Variants in FSTL5 observed in about 807,000 individuals in gnomAD.
FSTL5 encodes follistatin like 5.
A neutral mutation model predicts 89.1 loss-of-function variants in FSTL5; 62 were observed. The ratio of observed to expected loss-of-function variants is 0.70; its 90% CI spans 0.57 to 0.86. The LOEUF (loss-of-function observed/expected upper bound fraction) is 0.86. Ranked by LOEUF, FSTL5 falls within the 40% of genes least tolerant of loss-of-function variation. The probability of loss-of-function intolerance (pLI) is 0.00; values close to 1 mark genes in which losing one functional copy is unlikely to be tolerated. For missense variants in FSTL5, 1,057 were observed against 1,001.6 expected (o/e 1.06, Z -0.75); for synonymous variants, 383 against 346.2 (o/e 1.11, Z -1.18).
intron 15 of FSTL5, among the ~76,000 whole-genome samples, chr4:161,431,102 A>G (rs1404933140): frequency 6.6e-6 from 1 of 152,314 alleles, no homozygotes; most frequent in African/African-American, 2.4e-5. Flanking sequence ...ATAAGAAATC[A>G]TCTGAAGGAA....
At chr4:161,733,009 G>A (rs1579055157) in intron 6 of FSTL5, among the ~76,000 whole-genome samples, 2 of 150,840 alleles carry the variant, frequency 1.3e-5, no homozygotes, top group African/African-American at 4.9e-5. Flanking sequence ...TCAGAGCATT[G>A]GTTTTTGCTG....
At chr4:161,740,754 ATAT>A (rs1739995598) in intron 6 of FSTL5, among the ~76,000 whole-genome samples, 2 of 152,202 alleles carry the variant, frequency 1.3e-5, no homozygotes, top group Non-Finnish European at 2.9e-5. Flanking sequence ...TATTTGGATC[ATAT>A]TATGTACTCA....
At chr4:162,145,276 G>A (rs1026650074) in intron 1 of FSTL5, among the ~76,000 whole-genome samples, 8 of 151,908 alleles carry the variant, frequency 5.3e-5, no homozygotes, top group Non-Finnish European at 1.0e-4. Context: ...TAGGAAATAA[G>A]AATCAAAATG....
intron 15 of FSTL5, chr4:161,387,071 T>C (rs1730674652): frequency 6.6e-6 from 1 of 152,192 alleles, no homozygotes; most frequent in Non-Finnish European, 1.5e-5. Context: ...TTTGTTTTGT[T>C]GACCTTAAAT....
intron 4 of FSTL5, among the ~76,000 whole-genome samples, chr4:161,778,004 G>A (rs1162263712): frequency 1.3e-5 from 2 of 152,088 alleles, no homozygotes; most frequent in Non-Finnish European, 2.9e-5. Flanking sequence ...TGAGGCAGGA[G>A]AATCGCTGGA....
intron 14 of FSTL5, 49 bp from the exon 15 acceptor site, chr4:161,455,177 A>C (rs1166890939): frequency 7.0e-7 from 1 of 1,432,140 alleles, no homozygotes; most frequent in African/African-American, 1.5e-5. Flanking sequence ...GTCACTTCAT[A>C]GTATAAGCTT....
chr4:162,053,091 A>G (rs1229069314), intron 2 of FSTL5, among the ~76,000 whole-genome samples: 1 of 151,834 alleles, frequency 6.6e-6, no homozygotes, highest in Admixed American at 6.6e-5. Flanking sequence ...GCTAATTATT[A>G]TAGACACTTG....
chr4:161,682,658 A>C (rs975492045), intron 6 of FSTL5, among the ~76,000 whole-genome samples: 9 of 152,174 alleles, frequency 5.9e-5, no homozygotes, highest in African/African-American at 2.2e-4. Flanking sequence ...TTCAAGGGCA[A>C]AAACTGGTAT....
chr4:161,586,297 C>T (rs1203109591), intron 8 of FSTL5, among the ~76,000 whole-genome samples: 1 of 152,086 alleles, frequency 6.6e-6, no homozygotes, highest in Non-Finnish European at 1.5e-5. Context: ...TCATGTTCCT[C>T]AATTGAATAC....
At chr4:161,726,548 G>A (rs185345501) in intron 6 of FSTL5, among the ~76,000 whole-genome samples, 2 of 151,896 alleles carry the variant, frequency 1.3e-5, no homozygotes, top group Non-Finnish European at 2.9e-5. Context: ...TCTCAATACC[G>A]TAAACCTAGT....
intron 4 of FSTL5, among the ~76,000 whole-genome samples, chr4:161,832,590 C>G (rs1336973905): frequency 6.6e-6 from 1 of 152,116 alleles, no homozygotes; most frequent in East Asian, 1.9e-4. Flanking sequence ...TAGTCAACTT[C>G]TTCCTGGTTT....
At chr4:161,748,352 A>T (rs555974718) in intron 6 of FSTL5, among the ~76,000 whole-genome samples, 1 of 152,264 alleles carries the variant, frequency 6.6e-6, no homozygotes, top group African/African-American at 2.4e-5. Flanking sequence ...ACATATGTAC[A>T]TATATTTATT....
intron 2 of FSTL5, among the ~76,000 whole-genome samples, chr4:162,037,606 C>A (rs1044155647): frequency 6.6e-6 from 1 of 151,792 alleles, no homozygotes; most frequent in South Asian, 2.1e-4. Flanking sequence ...ATCAAGTTCT[C>A]TCCCATACAG....
intron 12 of FSTL5, among the ~76,000 whole-genome samples, chr4:161,496,534 T>C (rs1730076301): frequency 1.3e-5 from 2 of 152,194 alleles, no homozygotes; most frequent in Non-Finnish European, 2.9e-5. Flanking sequence ...GACTTCAACA[T>C]AGAAATCCTG....
At chr4:161,402,035 T>C (rs1179531036) in intron 15 of FSTL5, among the ~76,000 whole-genome samples, 2 of 152,196 alleles carry the variant, frequency 1.3e-5, no homozygotes, top group Non-Finnish European at 2.9e-5. Context: ...ATTTATAAAG[T>C]GCTTTTTCAT....
intron 1 of FSTL5, among the ~76,000 whole-genome samples, chr4:162,132,536 G>A (rs180879877): frequency 4.5e-4 from 68 of 152,156 alleles, no homozygotes; most frequent in Admixed American, 3.3e-3. Flanking sequence ...GCGAGGGTCC[G>A]TGGCTTCATT....
rs181034041 is a variant in FSTL5, at chr4:161,823,562, C to T, written c.410-47488G>A. ...ATCTTGGGAGCAGGGACTTCTGAGC[C>T]TGAAGGGGAAGGGGCTTTGCAGGCC... On this transcript the variant is annotated intron_variant, in intron 4 of 15. Coordinates refer to ENST00000306100, the MANE Select transcript of FSTL5 (RefSeq NM_020116.5). Among the ~76,000 whole-genome samples the T allele has an allele frequency of 1.9e-3, 290 of 152,324 alleles. 1 individual carries two copies. The highest frequency in any genetic ancestry group is 6.5e-3 in the African/African-American group (271 of 41,588).
At chr4:162,084,035 G>A (rs546798845) in intron 2 of FSTL5, among the ~76,000 whole-genome samples, 28 of 151,792 alleles carry the variant, frequency 1.8e-4, no homozygotes, top group Non-Finnish European at 3.4e-4. Flanking sequence ...CAAATAGGCA[G>A]AATGAATTTA....
chr4:161,708,292 CCT>C (rs548934140), intron 6 of FSTL5, among the ~76,000 whole-genome samples: 132 of 152,008 alleles, frequency 8.7e-4, no homozygotes, highest in African/African-American at 3.0e-3. Flanking sequence ...ATTCCGCTGC[CCT>C]GTCTCACTTC....
Sources: allele counts gnomAD v4.1 joint callset (sites outside exome capture counted in the v4.1 genomes callset), GRCh38; gene constraint gnomAD v4.1.1; transcripts MANE v1.5; gene names NCBI Gene and HGNC (gene_info 2026-07-23, HGNC 2026-07-21).